Variants in KAZN observed in about 807,000 individuals in gnomAD.
KAZN encodes the protein kazrin, periplakin interacting protein.
KAZN carries 40 observed loss-of-function variants against 87.4 expected under a neutral mutation model. That is an observed-to-expected ratio of 0.46 (90% CI 0.36 to 0.60). The LOEUF (loss-of-function observed/expected upper bound fraction) is 0.60. KAZN is among the 20% of genes least tolerant of loss of function. The pLI is 0.00. For missense variants in KAZN, 898 were observed against 1,073.9 expected, an observed-to-expected ratio of 0.84 and a Z score of 2.29; for synonymous variants, 466 against 458.3, an observed-to-expected ratio of 1.02 and a Z score of -0.22.
intron 2 of KAZN, among the ~76,000 whole-genome samples, chr1:14,361,606 G>C (rs989300667): frequency 6.6e-6 from 1 of 152,246 alleles, no homozygotes; most frequent in African/African-American, 2.4e-5. Context: ...CTGGTCTGTG[G>C]GTTGTGAAGA....
rs1641073861 is a variant in KAZN at position 15,101,667 on chromosome 1, C to T, written c.1672C>T (p.Leu558=). ...HLVDGRMLNS[L]MKRDLEKHLN... is the part of the protein sequence containing the mutation. ...GGTTGATGGGCGGATGCTGAATTCC[C>T]TGATGAAGCGAGACCTGGAGAAGCA... The change falls in exon 11 of 15, where the codon CTG becomes TTG. Residue 558 remains leucine, a synonymous_variant. Transcript: ENST00000376030. 6.3e-7 allele frequency: 1 copy of T among 1,588,462 alleles called. No individual in the cohort carries two copies. Among genetic ancestry groups the T allele is most frequent in the Non-Finnish European group, 8.6e-7 (1 of 1,167,052 alleles).
intron 1 of KAZN, among the ~76,000 whole-genome samples, chr1:13,933,074 G>A (rs182537692): frequency 1.3e-5 from 2 of 152,176 alleles, no homozygotes; most frequent in East Asian, 3.9e-4. Flanking sequence ...TAAGAAACCA[G>A]CATTGTACAT....
intron 1 of KAZN, among the ~76,000 whole-genome samples, chr1:14,742,978 G>T (rs913010345): frequency 2.0e-5 from 3 of 152,116 alleles, no homozygotes; most frequent in African/African-American, 7.2e-5. Context: ...ACTCACCAGT[G>T]AATAGACCCA....
At chr1:14,133,065 G>A (rs773976670) in intron 1 of KAZN, among the ~76,000 whole-genome samples, 2 of 152,088 alleles carry the variant, frequency 1.3e-5, no homozygotes, top group African/African-American at 4.8e-5. Flanking sequence ...TTACATTCTG[G>A]TGATTTGAAA....
At position 15,112,510 on chromosome 1, in the gene KAZN, A is replaced by T. The variant is rs754609204; in HGVS notation, c.2132A>T (p.Asn711Ile). ...SSVTRAGKEE[N>I]SSGLKYKAGR... Reference sequence around the variant, plus strand: ...GTCACGCGGGCAGGAAAGGAGGAGAACAGCAGCGGTCTCAAGTACAAGGCT... The same window carrying T: ...GTCACGCGGGCAGGAAAGGAGGAGATCAGCAGCGGTCTCAAGTACAAGGCT... The change falls in exon 14 of 15, where the codon AAC becomes ATC. Residue 711 changes from asparagine to isoleucine, a missense_variant. Physicochemically the swap from Asn to Ile is moderately radical, Grantham distance 149. Coordinates refer to ENST00000376030, the MANE Select transcript of KAZN (RefSeq NM_201628.3). The T allele has an allele frequency of 1.2e-6, 2 of 1,606,390 alleles. No individual in the cohort carries two copies. The highest frequency in any genetic ancestry group is 1.7e-6 in the Non-Finnish European group (2 of 1,177,272).
intron 1 of KAZN, among the ~76,000 whole-genome samples, chr1:14,796,569 AG>A (rs1437446196): frequency 6.6e-6 from 1 of 152,254 alleles, no homozygotes; most frequent in East Asian, 1.9e-4. Context: ...GGAGAGCTCC[AG>A]GATGCGTTTC....
At chr1:14,149,778 T>G (rs1645434653) in intron 1 of KAZN, among the ~76,000 whole-genome samples, 1 of 152,186 alleles carries the variant, frequency 6.6e-6, no homozygotes, top group Non-Finnish European at 1.5e-5. Flanking sequence ...ATACCATGAT[T>G]TTTTTAAAAG....
intron 1 of KAZN, among the ~76,000 whole-genome samples, chr1:13,996,158 G>T (rs1221909223): frequency 2.6e-5 from 4 of 152,192 alleles, no homozygotes; most frequent in African/African-American, 9.7e-5. Context: ...GAGTGAGCGT[G>T]CTACCCAGCT....
chr1:14,649,093 A>G (rs1283584197), intron 1 of KAZN, among the ~76,000 whole-genome samples: 2 of 152,254 alleles, frequency 1.3e-5, no homozygotes, highest in African/African-American at 4.8e-5. Flanking sequence ...ATGGAAGACC[A>G]GAGACTGGTT....
chr1:13,968,913 G>C (rs28478311), intron 1 of KAZN, among the ~76,000 whole-genome samples: 10,352 of 152,170 alleles, frequency 0.068, 579 homozygotes, highest in East Asian at 0.29. Context: ...TGACCTGCTT[G>C]CTAAGATTCC....
At chr1:14,329,776 A>G (rs925176359) in intron 2 of KAZN, among the ~76,000 whole-genome samples, 15 of 152,216 alleles carry the variant, frequency 9.9e-5, no homozygotes, top group African/African-American at 3.6e-4. Context: ...CATTGGAAGG[A>G]AAAAGATAAG....
chr1:14,101,370 T>C (rs1159119462), intron 1 of KAZN, among the ~76,000 whole-genome samples: 2 of 152,258 alleles, frequency 1.3e-5, no homozygotes, highest in Admixed American at 6.5e-5. Flanking sequence ...AGATAAATAC[T>C]GTTTTTATCT....
In KAZN at chr1:14,280,044, G is replaced by A. The variant is rs77372565; in HGVS notation, c.249+99452G>A. Among the ~76,000 whole-genome samples, 1,065 of 152,150 alleles carry A rather than the reference G, an allele frequency of 7.0e-3. 11 individuals carry two copies. The highest frequency in any genetic ancestry group is 0.024 in the African/African-American group (1,006 of 41,504). On this transcript the variant is annotated intron_variant, in intron 2 of 16. Coordinates refer to the KAZN transcript ENST00000636203. ...AGAATGTGGCCCTATTTGGACCTAC[G>A]GTCATCGGCATATGGACTTAGTTAA...
chr1:14,523,121 C>T (rs1221576465), intron 2 of KAZN, among the ~76,000 whole-genome samples: 2 of 152,178 alleles, frequency 1.3e-5, no homozygotes, highest in African/African-American at 4.8e-5. Context: ...GGCATGGAGG[C>T]TTCAGGATCT....
intron 2 of KAZN, among the ~76,000 whole-genome samples, chr1:14,196,116 C>G (rs1646521290): frequency 6.6e-6 from 1 of 152,088 alleles, no homozygotes; most frequent in Non-Finnish European, 1.5e-5. Flanking sequence ...GAGGATGTCT[C>G]AACTTTTTGA....
intron 2 of KAZN, among the ~76,000 whole-genome samples, chr1:14,186,291 T>TA (rs1646305692): frequency 6.6e-6 from 1 of 152,134 alleles, no homozygotes. Context: ...GGATACGAAA[T>TA]AGTAACAAAA....
chr1:13,935,813 G>A (rs1214663260), intron 1 of KAZN, among the ~76,000 whole-genome samples: 1 of 151,634 alleles, frequency 6.6e-6, no homozygotes, highest in African/African-American at 2.4e-5. Context: ...ACACCTCTGA[G>A]CCCCAGATTT....
At chr1:14,911,294 T>C (rs1221356979) in intron 1 of KAZN, among the ~76,000 whole-genome samples, 1 of 152,248 alleles carries the variant, frequency 6.6e-6, no homozygotes, top group Admixed American at 6.5e-5. Context: ...TTTCTCCCTC[T>C]GTTGAATGTT....
chr1:15,094,913 T>A lies in KAZN; in HGVS notation c.1527T>A (p.Arg509=). Residue 509 remains arginine, a synonymous_variant, in exon 10 of 15, where the codon CGT becomes CGA. Coordinates refer to ENST00000376030, the MANE Select transcript of KAZN (RefSeq NM_201628.3). This position sits in a 1 kb window ranked among gnomAD's most constrained non-coding sequence, Gnocchi z 4.5. ...RKLRLAIEDY[R]DAEAGRSLSK... ...TGCGCCTGGCCATCGAGGACTACCG[T>A]GATGCCGAGGCAGGCCGCAGGTGAG... 6.5e-7 allele frequency: 1 copy of A among 1,550,034 alleles called. No homozygotes were observed. The highest frequency in any genetic ancestry group is 1.2e-5 in the South Asian group (1 of 84,024).
Sources: allele counts gnomAD v4.1 joint callset (sites outside exome capture counted in the v4.1 genomes callset), GRCh38; gene constraint gnomAD v4.1.1; non-coding constraint Gnocchi (gnomAD v3.1); transcripts MANE v1.5; gene names NCBI Gene and HGNC (gene_info 2026-07-23, HGNC 2026-07-21).